The following NPTX1 variants were observed in gnomAD, a reference collection of about 807,000 sequenced individuals.
The protein encoded by NPTX1 is neuronal pentraxin-1.
A neutral mutation model predicts 38.7 loss-of-function variants in NPTX1; 12 were observed. The observed-to-expected ratio is 0.31, with a 90% CI of 0.20 to 0.50. NPTX1 has a LOEUF of 0.50. Among genes scored for constraint, NPTX1 ranks in the 20% least tolerant of loss-of-function variants. The probability of loss-of-function intolerance (pLI) is 0.98; values close to 1 mark genes in which losing one functional copy is unlikely to be tolerated. For missense variants in NPTX1, 454 were observed against 592.2 expected, an observed-to-expected ratio of 0.77 and a Z score of 2.42; for synonymous variants, 272 against 264.9, an observed-to-expected ratio of 1.03 and a Z score of -0.26.
chr17:80,475,932 G>A lies in NPTX1; in HGVS notation c.444+71C>T. 1 of 1,316,118 alleles carries A rather than the reference G, an allele frequency of 7.6e-7. No homozygotes were observed. The highest frequency in any genetic ancestry group is 1.1e-6 in the Non-Finnish European group (1 of 948,740). 81.5% of individuals were successfully genotyped at this position (1,316,118 alleles called of 1,614,324 possible). A position where few individuals can be genotyped will look rare whatever the true frequency, so the allele number is the denominator to read the frequency against. On this transcript the variant is annotated intron_variant, in intron 1 of 4. Transcript: ENST00000306773. The surrounding 1 kb of genome is among the most constrained non-coding windows in gnomAD (Gnocchi z 6.5). ...GGGCGGGGGATGCCTGGCCGGGTAG[G>A]GAACGGGGTGGGGGAGGGCAGAGGG...
intron 2 of NPTX1, 114 bp from the exon 3 acceptor site, chr17:80,473,558 C>G: frequency 9.1e-7 from 1 of 1,104,842 alleles, no homozygotes; most frequent in Non-Finnish European, 1.3e-6. Context: ...GCTCCGGTCT[C>G]CATTCTGGAG....
In NPTX1 at chr17:80,476,166, G is replaced by C. The variant is rs760120550; in HGVS notation, c.281C>G (p.Thr94Arg). Reference protein sequence around the residue: ...AKLGRCESQSTLDPGAGEARA... With the variant: ...AKLGRCESQSRLDPGAGEARA... ...GGCCTCGCCGGCTCCGGGGTCCAGCGTGCTCTGGCTCTCGCAGCGGCCCAG... is the reference window on the plus strand; with the variant it reads ...GGCCTCGCCGGCTCCGGGGTCCAGCCTGCTCTGGCTCTCGCAGCGGCCCAG... The change falls in exon 1 of 5, where the codon ACG becomes AGG. Residue 94 changes from threonine (T) to arginine (R), a missense_variant. Thr to Arg is a moderately conservative substitution (Grantham distance 71). This residue lies in a region of NPTX1 where 288 missense variants were observed against 318.4 expected (regional missense o/e 0.90). Coordinates refer to ENST00000306773, the MANE Select transcript of NPTX1 (RefSeq NM_002522.4). The surrounding 1 kb of genome is among the most constrained non-coding windows in gnomAD (Gnocchi z 6.3). The C allele has an allele frequency of 1.1e-5, 18 of 1,590,272 alleles. No individual in the cohort carries two copies. The highest frequency in any genetic ancestry group is 1.5e-5 in the Non-Finnish European group (18 of 1,173,568).
rs1301139334 is a variant in NPTX1 at position 80,468,468 on chromosome 17, G to A, written c.*2345C>T. 1 of 152,360 alleles carries A rather than the reference G, an allele frequency of 6.6e-6. No individual in the cohort carries two copies. Among genetic ancestry groups the A allele is most frequent in the African/African-American group, 2.4e-5 (1 of 41,466 alleles). 9.4% of individuals were successfully genotyped at this position (152,360 alleles called of 1,614,324 possible). On this transcript the variant is annotated 3_prime_UTR_variant, in exon 5 of 5. Coordinates refer to ENST00000306773, the MANE Select transcript of NPTX1 (RefSeq NM_002522.4). ...ATCGGCAGGGGCGGGGCTGGCCGGAGGTGCTGGCAGGGGAGCACCCCACAC... is the reference window on the plus strand; with the variant it reads ...ATCGGCAGGGGCGGGGCTGGCCGGAAGTGCTGGCAGGGGAGCACCCCACAC...
At position 80,467,954 on chromosome 17, in the gene NPTX1, A is replaced by G. The variant is rs1189339031; in HGVS notation, c.*2859T>C. 1 of 152,606 alleles carries G rather than the reference A, an allele frequency of 6.6e-6. No homozygotes were observed. The highest frequency in any genetic ancestry group is 1.5e-5 in the Non-Finnish European group (1 of 68,026). 9.5% of individuals were successfully genotyped at this position (152,606 alleles called of 1,614,324 possible). On this transcript the variant is annotated 3_prime_UTR_variant, in exon 5 of 5. Coordinates refer to ENST00000306773, the MANE Select transcript of NPTX1 (RefSeq NM_002522.4). ...GAGAGCTTCTGTCAACAGCTCTCCCACCCCGGACACCCAGGGAGCTGTCGG... is the reference window on the plus strand; with the variant it reads ...GAGAGCTTCTGTCAACAGCTCTCCCGCCCCGGACACCCAGGGAGCTGTCGG...
rs962409298 is a variant in NPTX1, at chr17:80,469,278, G to T, written c.*1535C>A. The T allele has an allele frequency of 3.3e-5, 5 of 152,382 alleles. No individual in the cohort carries two copies. The East Asian group carries it at 7.7e-4, about 24-fold the overall frequency. 9.4% of individuals were successfully genotyped at this position (152,382 alleles called of 1,614,324 possible). On this transcript the variant is annotated 3_prime_UTR_variant, in exon 5 of 5. Transcript: ENST00000306773. ...TGAGACTCCTGGAGACAGAGTCGGGGTGCCCTCAGGGCGTGCGACCACCAG... is the reference window on the plus strand; with the variant it reads ...TGAGACTCCTGGAGACAGAGTCGGGTTGCCCTCAGGGCGTGCGACCACCAG...
intron 4 of NPTX1, among the ~76,000 whole-genome samples, 170 bp from the exon 5 acceptor site, chr17:80,471,204 C>T (rs1352965056): frequency 1.3e-5 from 2 of 152,156 alleles, no homozygotes; most frequent in Non-Finnish European, 2.9e-5. Context: ...CTACATCCAT[C>T]CCTCCTCTGG....
intron 2 of NPTX1, among the ~76,000 whole-genome samples, chr17:80,474,910 G>C (rs2083869763): frequency 6.6e-6 from 1 of 152,010 alleles, no homozygotes; most frequent in African/African-American, 2.4e-5. Context: ...CTGAGTTGGT[G>C]ACTGAGAAAC....
At chr17:80,471,345 T>G (rs1287649897) in intron 4 of NPTX1, among the ~76,000 whole-genome samples, 1 of 152,170 alleles carries the variant, frequency 6.6e-6, no homozygotes, top group East Asian at 1.9e-4. Flanking sequence ...CTGGGGCCCC[T>G]GCCCAGACAT....
In NPTX1 at chr17:80,470,733, G is replaced by C. The variant is rs1477626886; in HGVS notation, c.*80C>G. ...CCTCGGTTCATTCCTGGGGAAAAGG[G>C]AGAGAAGAGACGCACAAAACAGATC... On this transcript the variant is annotated 3_prime_UTR_variant, in exon 5 of 5. Coordinates refer to ENST00000306773, the MANE Select transcript of NPTX1 (RefSeq NM_002522.4). The C allele has an allele frequency of 1.1e-5, 11 of 1,006,322 alleles. No individual in the cohort carries two copies. Among genetic ancestry groups the C allele is most frequent in the Non-Finnish European group, 1.5e-5 (10 of 675,736 alleles). The allele number at this position is 1,006,322 out of a possible 1,614,324, so 62.3% of individuals were successfully genotyped here.
intron 3 of NPTX1, 118 bp downstream of exon 3, chr17:80,473,082 C>T (rs778457952): frequency 3.5e-5 from 40 of 1,128,284 alleles, no homozygotes; most frequent in Non-Finnish European, 4.6e-5. Context: ...ACCTGGCAAA[C>T]ACTTTCCTTG....
rs1286378881 is a variant in NPTX1, at chr17:80,476,154, C to T, written c.293G>A (p.Gly98Glu). Residue 98 changes from glycine (G) to glutamate (E), a missense_variant, in exon 1 of 5, where the codon GGA becomes GAA. Physicochemically the swap from Gly to Glu is moderately conservative, Grantham distance 98. Coordinates refer to ENST00000306773, the MANE Select transcript of NPTX1 (RefSeq NM_002522.4). This position sits in a 1 kb window ranked among gnomAD's most constrained non-coding sequence, Gnocchi z 6.3. Reference sequence around the variant, plus strand: ...GCCGCCCGCCCGGGCCTCGCCGGCTCCGGGGTCCAGCGTGCTCTGGCTCTC... The same window carrying T: ...GCCGCCCGCCCGGGCCTCGCCGGCTTCGGGGTCCAGCGTGCTCTGGCTCTC... ...RCESQSTLDP[G>E]AGEARAGGGR... is the part of the protein sequence containing the mutation. 2 of 1,593,714 alleles carry T rather than the reference C, an allele frequency of 1.3e-6. No homozygotes were observed. Among genetic ancestry groups the T allele is most frequent in the Non-Finnish European group, 1.7e-6 (2 of 1,175,142 alleles).
chr17:80,469,436 G>A lies in NPTX1; in HGVS notation c.*1377C>T, dbSNP rs894406628. The A allele has an allele frequency of 6.6e-6, 1 of 152,246 alleles. No individual in the cohort carries two copies. The highest frequency in any genetic ancestry group is 2.4e-5 in the African/African-American group (1 of 41,440). 9.4% of individuals were successfully genotyped at this position (152,246 alleles called of 1,614,324 possible). On this transcript the variant is annotated 3_prime_UTR_variant, in exon 5 of 5. Coordinates refer to ENST00000306773, the MANE Select transcript of NPTX1 (RefSeq NM_002522.4). Reference sequence around the variant, plus strand: ...GCACATACACTTCTCTCCCCTCCTTGGAAGGACTAGAAGGAAATGTCCATG... The same window carrying A: ...GCACATACACTTCTCTCCCCTCCTTAGAAGGACTAGAAGGAAATGTCCATG...
At position 80,469,250 on chromosome 17, in the gene NPTX1, TG is replaced by T. The variant is rs2083824747; in HGVS notation, c.*1562del. On this transcript the variant is annotated 3_prime_UTR_variant, in exon 5 of 5. Coordinates refer to ENST00000306773, the MANE Select transcript of NPTX1 (RefSeq NM_002522.4). ...CTAGAAAGACTTGTCAGCGGTTTGC[TG>T]ATGAGACTCCTGGAGACAGAGTCGG... 1 of 152,416 alleles carries T rather than the reference TG, an allele frequency of 6.6e-6. No homozygotes were observed. The highest frequency in any genetic ancestry group is 2.1e-4 in the South Asian group (1 of 4,830). The allele number at this position is 152,416 out of a possible 1,614,324, so 9.4% of individuals were successfully genotyped here.
At chr17:80,471,477 C>T (rs1252305711) in intron 4 of NPTX1, among the ~76,000 whole-genome samples, 1 of 152,262 alleles carries the variant, frequency 6.6e-6, no homozygotes, top group Non-Finnish European at 1.5e-5. Flanking sequence ...TTATGCATCA[C>T]TAAAAGCAGA....
rs951677169 is a variant in NPTX1, at chr17:80,470,684, C to T, written c.*129G>A. 11 of 640,448 alleles carry T rather than the reference C, an allele frequency of 1.7e-5. No homozygotes were observed. The highest frequency in any genetic ancestry group is 5.6e-5 in the Admixed American group (2 of 35,482). The allele number at this position is 640,448 out of a possible 1,614,324, so 39.7% of individuals were successfully genotyped here. On this transcript the variant is annotated 3_prime_UTR_variant, in exon 5 of 5. Coordinates refer to ENST00000306773, the MANE Select transcript of NPTX1 (RefSeq NM_002522.4). ...CATGAGGACAAAACCAGGCTGTGTG[C>T]GTGTGCGTGTGCAGGGGCGACGGCC... is the stretch of plus-strand genomic sequence containing the variant.
rs772272561 is a variant in NPTX1 at position 80,475,556 on chromosome 17, T to G, written c.607A>C (p.Thr203Pro). The change falls in exon 2 of 5, where the codon ACC (threonine) becomes CCC (proline). Residue 203 changes from threonine (T) to proline (P), a missense_variant. Physicochemically the swap from Thr to Pro is conservative, Grantham distance 38 (BLOSUM62 -1). This residue lies in a region of NPTX1 where 288 missense variants were observed against 318.4 expected (regional missense o/e 0.90). Coordinates refer to ENST00000306773, the MANE Select transcript of NPTX1 (RefSeq NM_002522.4). This position sits in a 1 kb window ranked among gnomAD's most constrained non-coding sequence, Gnocchi z 6.5. ...CGCTGGTGCAGGGAGGTCAGGGCGG[T>G]CTCGATCTTGACCCTCTCCTCGGTG... ...NDTEERVKIE[T>P]ALTSLHQRIS... 1 of 1,612,704 alleles carries G rather than the reference T, an allele frequency of 6.2e-7. No individual in the cohort carries two copies. The highest frequency in any genetic ancestry group is 8.5e-7 in the Non-Finnish European group (1 of 1,179,902).
rs768212814 is a variant in NPTX1 at position 80,470,776 on chromosome 17, G to A, written c.*37C>T. The A allele has an allele frequency of 3.6e-6, 5 of 1,372,424 alleles. No individual in the cohort carries two copies. Among genetic ancestry groups the A allele is most frequent in the Non-Finnish European group, 5.1e-6 (5 of 983,538 alleles). 85.0% of individuals were successfully genotyped at this position (1,372,424 alleles called of 1,614,324 possible). Reference sequence around the variant, plus strand: ...AACAGATCATCGCCGCACAAGCAGGGGGCGAGGGCGGGCGGGCTCAGCCTG... The same window carrying A: ...AACAGATCATCGCCGCACAAGCAGGAGGCGAGGGCGGGCGGGCTCAGCCTG... On this transcript the variant is annotated 3_prime_UTR_variant, in exon 5 of 5. Coordinates refer to ENST00000306773, the MANE Select transcript of NPTX1 (RefSeq NM_002522.4).
intron 3 of NPTX1, 130 bp from the exon 4 acceptor site, chr17:80,472,041 A>C: frequency 2.3e-6 from 2 of 868,758 alleles, no homozygotes; most frequent in Non-Finnish European, 3.4e-6. Flanking sequence ...CTGAATTCTC[A>C]CAGCACCTAC....
chr17:80,473,445 C>T lies in NPTX1; in HGVS notation c.653-1G>A. The T allele has an allele frequency of 6.2e-7, 1 of 1,613,706 alleles. No individual in the cohort carries two copies. The highest frequency in any genetic ancestry group is 8.5e-7 in the Non-Finnish European group (1 of 1,179,910). ...TCTCCAGGGCGGTTGTCTTTCTGAC[C>T]TGCGGAAGACACAGTCCTGACATCT... On this transcript the variant is annotated splice_acceptor_variant, in intron 2 of 4. Coordinates refer to ENST00000306773, the MANE Select transcript of NPTX1 (RefSeq NM_002522.4). LOFTEE classifies it high-confidence loss of function.
Sources: gnomAD v4.1 joint callset for allele counts (sites outside exome capture counted in the v4.1 genomes callset) on GRCh38, gnomAD v4.1.1 for gene constraint, gnomAD v4.1.1 regional missense constraint, Gnocchi (gnomAD v3.1) non-coding constraint, MANE v1.5 for transcripts, NCBI Gene and HGNC (gene_info 2026-07-23, HGNC 2026-07-21) for gene names.